BPHL: variants seen among roughly 807,000 people sequenced by gnomAD.
BPHL encodes the protein serine hydrolase BPHL.
Under a neutral mutation model 31.2 loss-of-function variants are expected in BPHL, and 27 were observed. The observed-to-expected ratio is 0.87, with a 90% confidence interval of 0.64 to 1.19. BPHL has a LOEUF of 1.19. Ranked by LOEUF, BPHL falls within the 50% of genes most tolerant of loss-of-function variation. The pLI is 0.00. For missense variants in BPHL, 356 were observed against 375.7 expected (o/e 0.95, Z 0.43); for synonymous variants, 150 against 146.8 (o/e 1.02, Z -0.16).
At chr6:3,122,676 C>T (rs76250151) in intron 1 of BPHL, among the ~76,000 whole-genome samples, 6,576 of 152,118 alleles carry the variant, frequency 0.043, 451 homozygotes, top group African/African-American at 0.14. Context: ...TAGGCCAAGG[C>T]GGGTGAGTGG....
At chr6:3,123,856 C>G (rs1761644712) in intron 2 of BPHL, 96 bp downstream of exon 2, 1 of 1,017,716 alleles carries the variant, frequency 9.8e-7, no homozygotes, top group Non-Finnish European at 1.4e-6. Context: ...AATTTTAGTG[C>G]TTTTTTGAAA....
intron 1 of BPHL, 122 bp downstream of exon 1, chr6:3,118,969 G>A (rs927749591): frequency 3.5e-6 from 3 of 845,256 alleles, no homozygotes; most frequent in Non-Finnish European, 4.7e-6. Context: ...GCGCGGCCTG[G>A]CTGCCCTGTC....
rs1762158835 is a variant in BPHL, at chr6:3,140,992, C to G, written c.788+483C>G. 6.6e-6 allele frequency among the ~76,000 whole-genome samples: 1 copy of G among 152,202 alleles called. No individual in the cohort carries two copies. Among genetic ancestry groups the G allele is most frequent in the Admixed American group, 6.5e-5 (1 of 15,286 alleles). ...GTTCCCTGTCCCTAAAGCCCCCAGG[C>G]CAGCAGGGAAAGCAGGCACAGAAAC... is the stretch of plus-strand genomic sequence containing the variant. On this transcript the variant is annotated intron_variant, in intron 6 of 6. Coordinates refer to ENST00000380379, the MANE Select transcript of BPHL (RefSeq NM_004332.4). The surrounding 1 kb of genome is among the most constrained non-coding windows in gnomAD (Gnocchi z 5.2).
In BPHL at chr6:3,140,304, G is replaced by C; in HGVS notation, c.665-82G>C. The C allele has an allele frequency of 6.4e-7, 1 of 1,554,346 alleles. No individual in the cohort carries two copies. Among genetic ancestry groups the C allele is most frequent in the Admixed American group, 1.8e-5 (1 of 56,856 alleles). On this transcript the variant is annotated intron_variant, in intron 5 of 6. Coordinates refer to ENST00000380379, the MANE Select transcript of BPHL (RefSeq NM_004332.4). The surrounding 1 kb of genome is among the most constrained non-coding windows in gnomAD (Gnocchi z 5.2). ...TAGGGAAACTGAGGGCCAAGGAGGG[G>C]CAGGGCTCGCCGAGTTTCGCCTCCT...
At chr6:3,144,308 G>A (rs927590753) in intron 6 of BPHL, among the ~76,000 whole-genome samples, 17 of 151,502 alleles carry the variant, frequency 1.1e-4, no homozygotes, top group Admixed American at 1.1e-3. Context: ...ACCTCGTGAT[G>A]CACCCGCCTC....
At chr6:3,150,298 G>T (rs2091202278) in intron 6 of BPHL, among the ~76,000 whole-genome samples, 1 of 152,198 alleles carries the variant, frequency 6.6e-6, no homozygotes, top group Admixed American at 6.5e-5. Context: ...ACAGATGAAA[G>T]TTCAGCTAAA....
intron 6 of BPHL, among the ~76,000 whole-genome samples, chr6:3,143,213 C>T (rs1228051842): frequency 6.6e-6 from 1 of 151,960 alleles, no homozygotes; most frequent in African/African-American, 2.4e-5. Context: ...AGCCGAAACC[C>T]TCTCTGAAAA....
intron 3 of BPHL, 95 bp downstream of exon 3, chr6:3,127,503 T>A: frequency 9.0e-7 from 1 of 1,116,268 alleles, no homozygotes; most frequent in Non-Finnish European, 1.2e-6. Flanking sequence ...TTCTACAAAA[T>A]AATACCATGT....
At chr6:3,124,441 T>C (rs900096647) in intron 2 of BPHL, among the ~76,000 whole-genome samples, 1 of 152,184 alleles carries the variant, frequency 6.6e-6, no homozygotes, top group African/African-American at 2.4e-5. Flanking sequence ...TAAATAATCC[T>C]AATATTTAAT....
chr6:3,152,195 G>A (rs943349040), intron 6 of BPHL, among the ~76,000 whole-genome samples: 8 of 152,218 alleles, frequency 5.3e-5, no homozygotes, highest in Non-Finnish European at 8.8e-5. Flanking sequence ...CTCTCAGTCC[G>A]TTTTCCAGTC....
At chr6:3,137,234 G>A in intron 4 of BPHL, 128 bp from the exon 5 acceptor site, 2 of 1,234,786 alleles carry the variant, frequency 1.6e-6, no homozygotes, top group Non-Finnish European at 2.3e-6. Context: ...CAGAGGGAGG[G>A]AGGGAGGCAT....
chr6:3,132,035 ACTTTC>A (rs1230349633), intron 4 of BPHL, among the ~76,000 whole-genome samples: 3 of 152,050 alleles, frequency 2.0e-5, no homozygotes, highest in Non-Finnish European at 4.4e-5. Flanking sequence ...AGTTGCTCTG[ACTTTC>A]CTTTCTTGAT....
chr6:3,122,950 A>AG (rs112464935), intron 1 of BPHL, among the ~76,000 whole-genome samples: 7,189 of 152,216 alleles, frequency 0.047, 546 homozygotes, highest in African/African-American at 0.16. Context: ...GGGCCTGCTG[A>AG]GTGCAGACGA....
At chr6:3,119,508 T>A in intron 1 of BPHL, 2 of 1,614,026 alleles carry the variant, frequency 1.2e-6, no homozygotes, top group Non-Finnish European at 1.7e-6. Flanking sequence ...GTCCCCCCAT[T>A]TCAGGTAAAA....
At chr6:3,142,348 AC>A (rs1257616857) in intron 6 of BPHL, among the ~76,000 whole-genome samples, 1 of 152,024 alleles carries the variant, frequency 6.6e-6, no homozygotes, top group Non-Finnish European at 1.5e-5. Context: ...CGATCTCTTG[AC>A]CTTGTGATCC....
chr6:3,131,030 C>G (rs1761855311), intron 4 of BPHL, among the ~76,000 whole-genome samples: 1 of 152,134 alleles, frequency 6.6e-6, no homozygotes, highest in African/African-American at 2.4e-5. Flanking sequence ...TCCTCCCTCT[C>G]CTGTATCCTT....
rs766223058 is a variant in BPHL at position 3,123,722 on chromosome 6, A to G, written c.173A>G (p.Glu58Gly). ...CAGCTGCATTACCAGCAGACTGGAGAGGGAGATCACGCAGTCCTGCTACTT... is the reference window on the plus strand; with the variant it reads ...CAGCTGCATTACCAGCAGACTGGAGGGGGAGATCACGCAGTCCTGCTACTT... The part of the protein sequence containing the change: ...GVQLHYQQTG[E>G]GDHAVLLLPG... The change falls in exon 2 of 7, where the codon GAG becomes GGG. Residue 58 changes from glutamate (E) to glycine (G), a missense_variant. Glu to Gly is a moderately conservative substitution (Grantham distance 98, BLOSUM62 -2). Coordinates refer to ENST00000380379, the MANE Select transcript of BPHL (RefSeq NM_004332.4). 2 of 1,613,546 alleles carry G rather than the reference A, an allele frequency of 1.2e-6. No homozygotes were observed. The highest frequency in any genetic ancestry group is 1.3e-5 in the African/African-American group (1 of 74,900).
intron 4 of BPHL, 94 bp downstream of exon 4, chr6:3,129,292 C>T (rs1430166510): frequency 2.2e-6 from 3 of 1,394,264 alleles, no homozygotes; most frequent in Middle Eastern, 2.6e-4. Flanking sequence ...CAAGACACAT[C>T]TCTCGTGCTT....
At chr6:3,151,989 C>G (rs1039119388) in intron 6 of BPHL, among the ~76,000 whole-genome samples, 3 of 152,212 alleles carry the variant, frequency 2.0e-5, no homozygotes, top group Admixed American at 1.3e-4. Flanking sequence ...GATTTGGAAC[C>G]TTGAGCAGCA....
Sources: allele counts gnomAD v4.1 joint callset (sites outside exome capture counted in the v4.1 genomes callset), GRCh38; gene constraint gnomAD v4.1.1; non-coding constraint Gnocchi (gnomAD v3.1); transcripts MANE v1.5; gene names NCBI Gene and HGNC (gene_info 2026-07-23, HGNC 2026-07-21).